Variants in PTPRT observed in about 807,000 individuals in gnomAD.
PTPRT encodes protein tyrosine phosphatase receptor type T.
A neutral mutation model predicts 176.8 loss-of-function variants in PTPRT; 56 were observed. That is an observed-to-expected ratio of 0.32 (90% confidence interval 0.26 to 0.40). The LOEUF (loss-of-function observed/expected upper bound fraction) is 0.40, where lower values mean the gene tolerates loss of function less well. Among genes scored for constraint, PTPRT ranks in the 10% least tolerant of loss-of-function variants. The pLI is 1.00. For synonymous variants in PTPRT, 783 were observed against 739.0 expected, an observed-to-expected ratio of 1.06 and a Z score of -0.96; for missense variants, 1,540 against 1,908.2, an observed-to-expected ratio of 0.81 and a Z score of 3.60.
intron 11 of PTPRT, among the ~76,000 whole-genome samples, chr20:42,319,470 T>C (rs962591347): frequency 6.6e-6 from 1 of 152,224 alleles, no homozygotes; most frequent in Non-Finnish European, 1.5e-5. Flanking sequence ...ATTGTGATTA[T>C]TGTGCCAAAA....
At chr20:42,525,614 G>T (rs940589319) in intron 7 of PTPRT, among the ~76,000 whole-genome samples, 3 of 152,110 alleles carry the variant, frequency 2.0e-5, no homozygotes, top group Non-Finnish European at 4.4e-5. Context: ...ATTTTTTTAG[G>T]ATACACGGTT....
chr20:42,786,148 T>G (rs909826516), intron 3 of PTPRT, among the ~76,000 whole-genome samples: 1 of 152,210 alleles, frequency 6.6e-6, no homozygotes, highest in African/African-American at 2.4e-5. Context: ...ATTGTAAGTT[T>G]CCTGAGGCCT....
chr20:42,317,177 G>C (rs957780924), intron 11 of PTPRT, among the ~76,000 whole-genome samples: 1 of 152,184 alleles, frequency 6.6e-6, no homozygotes, highest in African/African-American at 2.4e-5. Context: ...CGGATAAACA[G>C]CGATTGCCTT....
At chr20:42,487,785 C>T (rs529975864) in intron 7 of PTPRT, among the ~76,000 whole-genome samples, 82 of 152,320 alleles carry the variant, frequency 5.4e-4, no homozygotes, top group African/African-American at 1.9e-3. Context: ...GTGTTAACTG[C>T]TACGCTTATG....
chr20:42,345,580 ATATGTGTGTGTGTG>A (rs1276947959), intron 11 of PTPRT, among the ~76,000 whole-genome samples: 1 of 86,460 alleles, frequency 1.2e-5, no homozygotes, highest in Admixed American at 1.2e-4. Context: ...ACATACATAT[ATATGTGTGTGTGTG>A]TGTGTGTGTG....
chr20:43,015,244 C>T (rs2146162432), intron 1 of PTPRT, among the ~76,000 whole-genome samples: 1 of 152,290 alleles, frequency 6.6e-6, no homozygotes, highest in South Asian at 2.1e-4. Context: ...CTCAGCCCTG[C>T]CTCTCACCAA....
chr20:42,268,456 T>C (rs945866020), intron 13 of PTPRT, among the ~76,000 whole-genome samples: 1 of 152,064 alleles, frequency 6.6e-6, no homozygotes, highest in Non-Finnish European at 1.5e-5. Flanking sequence ...TGGAGAAGTA[T>C]TGTTTCTCTG....
At chr20:42,176,941 G>A in intron 16 of PTPRT, among the ~76,000 whole-genome samples, 1 of 152,210 alleles carries the variant, frequency 6.6e-6, no homozygotes, top group East Asian at 1.9e-4. Context: ...TTTAGGCTGA[G>A]TTTGTGGATA....
At chr20:42,268,595 G>T (rs1203421306) in intron 13 of PTPRT, among the ~76,000 whole-genome samples, 2 of 152,234 alleles carry the variant, frequency 1.3e-5, no homozygotes, top group Non-Finnish European at 2.9e-5. Context: ...GACCTACTAT[G>T]TGCTGCAACT....
the PTPRT span, among the ~76,000 whole-genome samples, chr20:42,059,381 C>T: frequency 6.6e-6 from 1 of 152,130 alleles, no homozygotes; most frequent in Admixed American, 6.5e-5. Context: ...TCTTTGCATG[C>T]AGACTGAGGG....
intron 15 of PTPRT, among the ~76,000 whole-genome samples, chr20:42,226,721 A>G (rs2056020711): frequency 6.6e-6 from 1 of 152,128 alleles, no homozygotes; most frequent in Admixed American, 6.5e-5. Context: ...CCTTGGAGAC[A>G]TATTGCTAAG....
At chr20:42,602,907 G>A (rs750211087) in intron 7 of PTPRT, among the ~76,000 whole-genome samples, 2 of 152,154 alleles carry the variant, frequency 1.3e-5, no homozygotes, top group Non-Finnish European at 2.9e-5. Context: ...ACATTTCACA[G>A]TACCTTGGCA....
chr20:42,804,990 T>C (rs1406888645), intron 2 of PTPRT, among the ~76,000 whole-genome samples: 2 of 152,168 alleles, frequency 1.3e-5, no homozygotes, highest in East Asian at 3.9e-4. Flanking sequence ...CATATGAATT[T>C]GGTGGGAACA....
intron 7 of PTPRT, among the ~76,000 whole-genome samples, chr20:42,619,358 C>G (rs1259317973): frequency 1.7e-4 from 22 of 129,464 alleles, no homozygotes; most frequent in African/African-American, 7.3e-4. Context: ...ACCTTTCTCT[C>G]TGGCTGCCCT....
At chr20:43,044,196 C>A (rs749929978) in intron 1 of PTPRT, among the ~76,000 whole-genome samples, 4 of 152,030 alleles carry the variant, frequency 2.6e-5, no homozygotes, top group Non-Finnish European at 5.9e-5. Flanking sequence ...GAAAACAAAT[C>A]CAGGAAGCCC....
At chr20:42,536,940 A>ACC (rs1259157219) in intron 7 of PTPRT, among the ~76,000 whole-genome samples, 1 of 152,194 alleles carries the variant, frequency 6.6e-6, no homozygotes, top group Non-Finnish European at 1.5e-5. Flanking sequence ...GCTAAATATT[A>ACC]TAACCAACCT....
At chr20:42,769,809 T>C (rs548020932) in intron 5 of PTPRT, among the ~76,000 whole-genome samples, 50 of 152,352 alleles carry the variant, frequency 3.3e-4, no homozygotes, top group Non-Finnish European at 4.4e-5. Flanking sequence ...TAAGAAATAC[T>C]GTTACACACA....
chr20:42,615,332 A>ATCAT (rs1161198277), intron 7 of PTPRT, among the ~76,000 whole-genome samples: 4 of 137,166 alleles, frequency 2.9e-5, no homozygotes, highest in South Asian at 2.3e-4. Context: ...AATCCAGTCT[A>ATCAT]TCATTGTTGG....
At chr20:43,109,329 G>A (rs2012759708) in intron 1 of PTPRT, among the ~76,000 whole-genome samples, 1 of 152,052 alleles carries the variant, frequency 6.6e-6, no homozygotes, top group Admixed American at 6.5e-5. Context: ...TGCTTGGATG[G>A]AAACTGGGAG....
Sources: gnomAD v4.1 joint callset for allele counts (sites outside exome capture counted in the v4.1 genomes callset) on GRCh38, gnomAD v4.1.1 for gene constraint, MANE v1.5 for transcripts, NCBI Gene and HGNC (gene_info 2026-07-23, HGNC 2026-07-21) for gene names.